Variants in C11orf65 observed in about 807,000 individuals in gnomAD.
The protein encoded by C11orf65 is protein MFI.
In C11orf65, 38 loss-of-function variants were observed where a neutral mutation model predicts 35.3. That is an observed-to-expected ratio of 1.08 (90% CI 0.83 to 1.41). C11orf65 has a LOEUF of 1.41. C11orf65 is among the 40% of genes most tolerant of loss of function. The pLI, the probability that C11orf65 is intolerant of heterozygous loss-of-function variation, is 0.00. For synonymous variants in C11orf65, 105 were observed against 114.4 expected, an observed-to-expected ratio of 0.92 and a Z score of 0.53; for missense variants, 370 against 367.1, an observed-to-expected ratio of 1.01 and a Z score of -0.06.
At position 108,359,334 on chromosome 11, in the gene C11orf65, C is replaced by T. The variant is rs1035620305; in HGVS notation, c.227-24042G>A. 1.5e-4 allele frequency among the ~76,000 whole-genome samples: 23 copies of T among 152,082 alleles called. 2 individuals are homozygous for T. The highest frequency in any genetic ancestry group is 5.3e-4 in the African/African-American group (22 of 41,452). ...ACCTACAAAGAGACTTAGAATCCCA[C>T]ACATTAATAATGGGAGACTTTAACA... On this transcript the variant is annotated intron_variant, in intron 2 of 3. Coordinates refer to the C11orf65 transcript ENST00000524755.
At chr11:108,374,152 A>G (rs2091650304) in intron 2 of C11orf65, among the ~76,000 whole-genome samples, 1 of 151,854 alleles carries the variant, frequency 6.6e-6, no homozygotes, top group Admixed American at 6.6e-5. Context: ...CCCAGCACGC[A>G]GTTTGAGATC....
At chr11:108,371,819 C>T (rs2091583680) in intron 2 of C11orf65, among the ~76,000 whole-genome samples, 2 of 152,180 alleles carry the variant, frequency 1.3e-5, no homozygotes, top group African/African-American at 2.4e-5. Flanking sequence ...TGTTTTTCCA[C>T]AGTGGCCGAA....
chr11:108,354,228 G>A (rs1478505289), intron 2 of C11orf65, among the ~76,000 whole-genome samples: 1 of 152,004 alleles, frequency 6.6e-6, no homozygotes, highest in East Asian at 1.9e-4. Flanking sequence ...CCACCCACCT[G>A]GGACCTAAGC....
intron 6 of C11orf65, among the ~76,000 whole-genome samples, chr11:108,315,568 TTG>T (rs2084553842): frequency 6.6e-6 from 1 of 152,154 alleles, no homozygotes; most frequent in Non-Finnish European, 1.5e-5. Context: ...TTTTTTCAAA[TTG>T]TGGCAAACCT....
At chr11:108,431,894 C>T (rs537385994) in intron 2 of C11orf65, 56 bp from the exon 3 acceptor site, 18 of 1,089,562 alleles carry the variant, frequency 1.7e-5, no homozygotes, top group African/African-American at 1.6e-4. Context: ...ATTTCTACTT[C>T]GCTTTTTGTC....
At chr11:108,457,302 C>T (rs1008456161) in intron 2 of C11orf65, among the ~76,000 whole-genome samples, 7 of 152,014 alleles carry the variant, frequency 4.6e-5, no homozygotes, top group Admixed American at 6.6e-5. Flanking sequence ...TGTACACGCA[C>T]ATTATTTAGA....
chr11:108,321,047 G>A (rs556308455), intron 6 of C11orf65, among the ~76,000 whole-genome samples: 2 of 152,312 alleles, frequency 1.3e-5, no homozygotes, highest in East Asian at 3.9e-4. Context: ...AGGAGGAAGG[G>A]TTGGTCTTGC....
intron 3 of C11orf65, among the ~76,000 whole-genome samples, chr11:108,415,658 T>C (rs2092719417): frequency 6.6e-6 from 1 of 152,186 alleles, no homozygotes. Flanking sequence ...GCCACTATAA[T>C]ATTTCAGGTG....
At chr11:108,455,860 T>C (rs534027769) in intron 2 of C11orf65, among the ~76,000 whole-genome samples, 1 of 129,526 alleles carries the variant, frequency 7.7e-6, no homozygotes, top group South Asian at 2.5e-4. Flanking sequence ...AAATTTAAGA[T>C]CCAAAGACAT....
chr11:108,396,588 T>G (rs1451464497), intron 6 of C11orf65, among the ~76,000 whole-genome samples: 1 of 151,778 alleles, frequency 6.6e-6, no homozygotes, highest in African/African-American at 2.4e-5. Context: ...TCCCAACACT[T>G]TGGGAGGCCA....
chr11:108,462,244 T>G (rs1732383700), intron 1 of C11orf65, among the ~76,000 whole-genome samples: 3 of 152,180 alleles, frequency 2.0e-5, no homozygotes, highest in Admixed American at 2.0e-4. Flanking sequence ...AGGTTCTTGC[T>G]ATGTTTCCCA....
At chr11:108,438,425 C>T (rs1035613273) in intron 2 of C11orf65, among the ~76,000 whole-genome samples, 1 of 151,682 alleles carries the variant, frequency 6.6e-6, no homozygotes, top group African/African-American at 2.4e-5. Context: ...GTGGCGCACT[C>T]CTGTAGTCCC....
chr11:108,468,878 C>T (rs533669584), upstream of C11orf65, among the ~76,000 whole-genome samples: 24 of 152,080 alleles, frequency 1.6e-4, no homozygotes, highest in Admixed American at 1.0e-3. Context: ...CTGAGGTGGG[C>T]GGATCACTTG....
At chr11:108,385,819 C>T in intron 8 of C11orf65, 101 bp downstream of exon 8, 1 of 913,170 alleles carries the variant, frequency 1.1e-6, no homozygotes, top group Non-Finnish European at 1.7e-6. Context: ...AATTTATATA[C>T]TATGCAGATT....
At chr11:108,423,425 G>C (rs1374408622) in intron 3 of C11orf65, among the ~76,000 whole-genome samples, 1 of 152,208 alleles carries the variant, frequency 6.6e-6, no homozygotes, top group African/African-American at 2.4e-5. Flanking sequence ...ACTGAGGCTA[G>C]AGTAGGCTGT....
At chr11:108,344,482 G>GA (rs993019774) in intron 2 of C11orf65, among the ~76,000 whole-genome samples, 5 of 152,134 alleles carry the variant, frequency 3.3e-5, no homozygotes, top group African/African-American at 1.2e-4. Context: ...AAATGCAAAG[G>GA]AGTTTGCACC....
At position 108,439,331 on chromosome 11, in the gene C11orf65, G is replaced by GC. The variant is rs1418408488; in HGVS notation, c.82-7494dup. ...GCTATTACCAAAAAACTTGAAAATA[G>GC]CAAGTATTGGCAAGGATATAGAGCA... is the stretch of plus-strand genomic sequence containing the variant. On this transcript the variant is annotated intron_variant, in intron 2 of 8. Transcript: ENST00000393084. Among the ~76,000 whole-genome samples the GC allele has an allele frequency of 2.0e-5, 3 of 152,160 alleles. No homozygotes were observed. The East Asian group carries it at 5.8e-4, about 29-fold the overall frequency.
chr11:108,340,810 C>G (rs896230807), intron 2 of C11orf65, among the ~76,000 whole-genome samples: 1 of 152,148 alleles, frequency 6.6e-6, no homozygotes, highest in African/African-American at 2.4e-5. Flanking sequence ...ACCTATGAAC[C>G]TCCTCCCATG....
At chr11:108,440,708 A>G (rs1043744685) in intron 2 of C11orf65, among the ~76,000 whole-genome samples, 1 of 152,134 alleles carries the variant, frequency 6.6e-6, no homozygotes, top group African/African-American at 2.4e-5. Context: ...TGAACATTTC[A>G]GGACACAGAC....
Sources: allele counts gnomAD v4.1 joint callset (sites outside exome capture counted in the v4.1 genomes callset), GRCh38; gene constraint gnomAD v4.1.1; transcripts MANE v1.5; gene names NCBI Gene and HGNC (gene_info 2026-07-23, HGNC 2026-07-21).